Variants in PCDHA2 observed in about 807,000 individuals in gnomAD.
PCDHA2 encodes the protein protocadherin alpha 2, also known as protocadherin alpha-2.
Under a neutral mutation model 66.0 loss-of-function variants are expected in PCDHA2, and 58 were observed. That is an observed-to-expected ratio of 0.88 (90% CI 0.71 to 1.09). PCDHA2 has a LOEUF of 1.09. PCDHA2 is among the 50% of genes least tolerant of loss of function. The probability of loss-of-function intolerance (pLI) is 0.00; values close to 1 mark genes in which losing one functional copy is unlikely to be tolerated. For synonymous variants in PCDHA2, 634 were observed against 554.0 expected (o/e 1.14, Z -2.03); for missense variants, 1,267 against 1,242.3 (o/e 1.02, Z -0.30).
At chr5:140,927,526 G>T in intron 1 of PCDHA2, 3 of 1,614,086 alleles carry the variant, frequency 1.9e-6, no homozygotes, top group Non-Finnish European at 2.5e-6. Flanking sequence ...CGGGCTACCT[G>T]CCCGCTCAGG....
At chr5:140,869,344 A>G (rs540952410) in intron 1 of PCDHA2, 1 of 1,613,990 alleles carries the variant, frequency 6.2e-7, no homozygotes, top group African/African-American at 1.3e-5. Flanking sequence ...AAATCTGCAG[A>G]ATGGCATTTT....
chr5:140,999,568 G>A (rs1554256885), intron 3 of PCDHA2, among the ~76,000 whole-genome samples: 1 of 152,084 alleles, frequency 6.6e-6, no homozygotes, highest in Non-Finnish European at 1.5e-5. Context: ...TTTGAGAAGA[G>A]ACTATAAAGG....
chr5:140,863,406 G>T, intron 1 of PCDHA2: 1 of 800,564 alleles, frequency 1.2e-6, no homozygotes, highest in South Asian at 1.3e-5. Flanking sequence ...GCAAGCCCAC[G>T]CTGGTGTACC....
At chr5:140,931,574 C>A (rs1311706898) in intron 1 of PCDHA2, among the ~76,000 whole-genome samples, 1 of 152,024 alleles carries the variant, frequency 6.6e-6, no homozygotes, top group Non-Finnish European at 1.5e-5. Flanking sequence ...CCATCCCATT[C>A]ATTCAGTTGA....
intron 1 of PCDHA2, among the ~76,000 whole-genome samples, chr5:140,800,325 A>C (rs1762539903): frequency 6.6e-6 from 1 of 152,184 alleles, no homozygotes; most frequent in African/African-American, 2.4e-5. Context: ...TACAGTCAAG[A>C]CAGTTGATGA....
chr5:140,828,876 T>C (rs1554131616), intron 1 of PCDHA2: 4 of 1,614,116 alleles, frequency 2.5e-6, no homozygotes, highest in African/African-American at 2.7e-5. Flanking sequence ...ACAACAGTTA[T>C]CAGACTGAAT....
At chr5:140,810,496 A>G (rs1258787751) in intron 1 of PCDHA2, 1 of 152,222 alleles carries the variant, frequency 6.6e-6, no homozygotes, top group Non-Finnish European at 1.5e-5. Context: ...TACATTTGTC[A>G]GGTTATTTTC....
At chr5:140,902,176 C>T (rs1488205989) in intron 1 of PCDHA2, among the ~76,000 whole-genome samples, 1 of 146,420 alleles carries the variant, frequency 6.8e-6, no homozygotes, top group Non-Finnish European at 1.5e-5. Context: ...TTTGGATGTC[C>T]TTTATGTCTT....
At position 140,818,518 on chromosome 5, in the gene PCDHA2, G is replaced by A. The variant is rs189749531; in HGVS notation, c.2388+21166G>A. Among the ~76,000 whole-genome samples, 14 of 152,286 alleles carry A rather than the reference G, an allele frequency of 9.2e-5. No homozygotes were observed. The East Asian group carries it at 2.1e-3, about 23-fold the overall frequency. ...TGGATTTTAAAATCAGATATAACCT[G>A]AGAGATTATCATTTTTCTCCATTTA... On this transcript the variant is annotated intron_variant, in intron 1 of 3. Coordinates refer to ENST00000526136, the MANE Select transcript of PCDHA2 (RefSeq NM_018905.3).
At chr5:140,997,833 A>G (rs2097787444) in intron 3 of PCDHA2, among the ~76,000 whole-genome samples, 1 of 152,230 alleles carries the variant, frequency 6.6e-6, no homozygotes. Flanking sequence ...TCTAAACAAT[A>G]CAATATACAT....
At chr5:140,854,067 C>T (rs2042967096) in intron 1 of PCDHA2, 1 of 266,958 alleles carries the variant, frequency 3.7e-6, no homozygotes, top group Non-Finnish European at 5.7e-6. Context: ...GAGGCTGAGG[C>T]GAGAGAATCG....
intron 1 of PCDHA2, chr5:140,802,441 G>A (rs782314655): frequency 3.7e-6 from 6 of 1,614,220 alleles, no homozygotes; most frequent in Admixed American, 1.7e-5. Flanking sequence ...CCTCTGGACC[G>A]CGAGAGCGTG....
intron 1 of PCDHA2, among the ~76,000 whole-genome samples, chr5:140,934,682 A>G (rs2089985981): frequency 6.6e-6 from 1 of 152,156 alleles, no homozygotes; most frequent in Non-Finnish European, 1.5e-5. Flanking sequence ...AGTATTCAAA[A>G]CAATGAATTG....
chr5:140,875,198 G>T (rs782209612), intron 1 of PCDHA2: 16 of 552,110 alleles, frequency 2.9e-5, no homozygotes, highest in Non-Finnish European at 4.5e-5. Flanking sequence ...GACCCAGGAA[G>T]TGGCTAAACC....
Position 140,842,826 on chromosome 5 carries a change from G to T in PCDHA2, c.2388+45474G>T, listed in dbSNP as rs782132633. On this transcript the variant is annotated intron_variant, in intron 1 of 3. Coordinates refer to ENST00000526136, the MANE Select transcript of PCDHA2 (RefSeq NM_018905.3). ...CTTGTGGAGCGGCGGGTGGGCGAGC[G>T]CTCGCTGTCGAGCTACATTTCGGTG... 3.8e-6 allele frequency: 6 copies of T among 1,593,690 alleles called. 1 individual carries two copies. The highest frequency in any genetic ancestry group is 5.1e-6 in the Non-Finnish European group (6 of 1,165,318).
At chr5:140,979,384 G>A (rs1243693033) in intron 2 of PCDHA2, among the ~76,000 whole-genome samples, 3 of 151,896 alleles carry the variant, frequency 2.0e-5, no homozygotes, top group African/African-American at 7.3e-5. Context: ...ATTGTGCAAT[G>A]TATACATACA....
chr5:140,852,816 A>C, intron 1 of PCDHA2: 2 of 972,756 alleles, frequency 2.1e-6, no homozygotes, highest in Non-Finnish European at 1.2e-6. Flanking sequence ...CTCCCGCCCT[A>C]AGTCCTCCAG....
Position 140,833,676 on chromosome 5 carries a change from C to T in PCDHA2, c.2388+36324C>T, listed in dbSNP as rs2150210377. On this transcript the variant is annotated intron_variant, in intron 1 of 3. Coordinates refer to ENST00000526136, the MANE Select transcript of PCDHA2 (RefSeq NM_018905.3). ...AAATTCTTCCCCTTCAAAGATTCCC[C>T]AAACCTTCTCTTATTTTGTTTTCCC... Among the ~76,000 whole-genome samples, 6 of 152,216 alleles carry T rather than the reference C, an allele frequency of 3.9e-5. No homozygotes were observed. In the Middle Eastern group the frequency reaches 0.014, roughly 345 times the overall value.
At position 140,870,714 on chromosome 5, in the gene PCDHA2, C is replaced by A. The variant is rs2052324296; in HGVS notation, c.2388+73362C>A. On this transcript the variant is annotated intron_variant, in intron 1 of 3. Transcript: ENST00000526136. ...TGCTACAGTTCCAGGTGAGCGCGCG[C>A]GATGCGGGCGTGCCGCCTCTGAGCA... 6 of 1,612,992 alleles carry A rather than the reference C, an allele frequency of 3.7e-6. No individual in the cohort carries two copies. The African/African-American group carries it at 4.0e-5, about 11-fold the overall frequency.
Sources: gnomAD v4.1 joint callset for allele counts (sites outside exome capture counted in the v4.1 genomes callset) on GRCh38, gnomAD v4.1.1 for gene constraint, MANE v1.5 for transcripts, NCBI Gene and HGNC (gene_info 2026-07-23, HGNC 2026-07-21) for gene names.